Variants in RTKN observed in about 807,000 individuals in gnomAD.
RTKN encodes rhotekin.
A neutral mutation model predicts 63.5 loss-of-function variants in RTKN; 49 were observed. The ratio of observed to expected loss-of-function variants is 0.77; its 90% confidence interval spans 0.61 to 0.98. The LOEUF is 0.98. Among genes scored for constraint, RTKN ranks in the 50% least tolerant of loss-of-function variants. The probability of loss-of-function intolerance (pLI) is 0.00; values close to 1 mark genes in which losing one functional copy is unlikely to be tolerated. For synonymous variants in RTKN, 295 were observed against 290.4 expected (o/e 1.02, Z -0.16); for missense variants, 685 against 740.8 (o/e 0.92, Z 0.87).
intron 9 of RTKN, 170 bp from the exon 10 acceptor site, chr2:74,427,762 G>T: frequency 1.6e-6 from 1 of 642,782 alleles, no homozygotes; most frequent in Non-Finnish European, 2.7e-6. Context: ...GGCTGGGGAT[G>T]AGACAGCCAG....
chr2:74,430,999 C>G (rs956817681), intron 2 of RTKN: 5 of 330,456 alleles, frequency 1.5e-5, no homozygotes, highest in African/African-American at 8.3e-5. Flanking sequence ...GGACAGGTGC[C>G]CACAGAAAGA....
At position 74,432,407 on chromosome 2, in the gene RTKN, C is replaced by T. The variant is rs536836289; in HGVS notation, c.311+60G>A. On this transcript the variant is annotated intron_variant, in intron 2 of 11. Coordinates refer to ENST00000272430, the MANE Select transcript of RTKN (RefSeq NM_001015055.2). ...CCACATGCCACACACGCACATGCTG[C>T]ACCACCACCACCCAGAAGGCCTCCT... 4.6e-5 allele frequency: 68 copies of T among 1,484,776 alleles called. 1 individual carries two copies. Among genetic ancestry groups the T allele is most frequent in the Middle Eastern group, 3.4e-4 (2 of 5,834 alleles). 92.0% of individuals were successfully genotyped at this position (1,484,776 alleles called of 1,614,324 possible). A position where few individuals can be genotyped will look rare whatever the true frequency, so the allele number is the denominator to read the frequency against.
chr2:74,430,643 G>A lies in RTKN; in HGVS notation c.346C>T (p.Pro116Ser), dbSNP rs1310706130. The A allele has an allele frequency of 6.2e-7, 1 of 1,613,660 alleles. No individual in the cohort carries two copies. The highest frequency in any genetic ancestry group is 8.5e-7 in the Non-Finnish European group (1 of 1,179,976). ...GAGATGCAGACCCGGCCGCGGCAGGGGGAGCGCTCAGCGGGCGGGCCACTG... is the reference window on the plus strand; with the variant it reads ...GAGATGCAGACCCGGCCGCGGCAGGAGGAGCGCTCAGCGGGCGGGCCACTG... ...SDSGPPAERSPCRGRVCISDL... is the reference protein window; with the variant it reads ...SDSGPPAERSSCRGRVCISDL... Residue 116 changes from proline to serine, a missense_variant, in exon 3 of 12, where the codon CCC becomes TCC. Physicochemically the swap from Pro to Ser is moderately conservative, Grantham distance 74. Coordinates refer to ENST00000272430, the MANE Select transcript of RTKN (RefSeq NM_001015055.2).
intron 1 of RTKN, among the ~76,000 whole-genome samples, chr2:74,433,997 A>G (rs1670914471): frequency 6.6e-6 from 1 of 152,062 alleles, no homozygotes. Flanking sequence ...TGTGCATGAT[A>G]TATATATATG....
Position 74,426,326 on chromosome 2 carries a change from G to C in RTKN, c.1609C>G (p.Pro537Ala). ...DHSPRARSVA[P>A]LPPQRSPRTR... ...CGTGGGGATCGCTGAGGTGGGAGGG[G>C]GGCAACCGAGCGAGCCCTAGGGGAG... The change falls in exon 12 of 12, where the codon CCC (proline) becomes GCC (alanine). Residue 537 changes from proline to alanine, a missense_variant. By Grantham distance (27) the Pro-to-Ala change is conservative (BLOSUM62 -1). Coordinates refer to ENST00000272430, the MANE Select transcript of RTKN (RefSeq NM_001015055.2). 1.2e-6 allele frequency: 2 copies of C among 1,613,778 alleles called. No homozygotes were observed. Among genetic ancestry groups the C allele is most frequent in the Non-Finnish European group, 1.7e-6 (2 of 1,179,846 alleles).
chr2:74,437,210 T>C (rs1274471756), intron 1 of RTKN, among the ~76,000 whole-genome samples: 1 of 152,210 alleles, frequency 6.6e-6, no homozygotes, highest in East Asian at 1.9e-4. Context: ...ACCTCCTTCG[T>C]AGCATTGTTT....
Position 74,436,686 on chromosome 2 carries a change from C to G in RTKN, c.112-4020G>C, listed in dbSNP as rs191245097. On this transcript the variant is annotated intron_variant, in intron 1 of 11. Coordinates refer to ENST00000272430, the MANE Select transcript of RTKN (RefSeq NM_001015055.2). This position sits in a 1 kb window ranked among gnomAD's most constrained non-coding sequence, Gnocchi z 4.3. ...GGCCCAGCATGGATGAGTGGGACCACGAGTCCAGACACCTCCTCTATTTCC... is the reference window on the plus strand; with the variant it reads ...GGCCCAGCATGGATGAGTGGGACCAGGAGTCCAGACACCTCCTCTATTTCC... Among the ~76,000 whole-genome samples, 76 of 152,234 alleles carry G rather than the reference C, an allele frequency of 5.0e-4. No homozygotes were observed. The highest frequency in any genetic ancestry group is 1.7e-3 in the African/African-American group (70 of 41,530).
chr2:74,427,530 G>A lies in RTKN; in HGVS notation c.1149C>T (p.Ile383=), dbSNP rs1162184294. The change falls in exon 10 of 12, where the codon ATC becomes ATT. Residue 383 remains isoleucine, a synonymous_variant. Coordinates refer to ENST00000272430, the MANE Select transcript of RTKN (RefSeq NM_001015055.2). ...CCTCATCATCCCCATACTGGTTACT[G>A]ATGCTTAGGGTGAAGGGCCGTCCTA... ...QALGRPFTLS[I]SNQYGDDEVT... 1.2e-6 allele frequency: 2 copies of A among 1,614,114 alleles called. No individual in the cohort carries two copies. Among genetic ancestry groups the A allele is most frequent in the Non-Finnish European group, 1.7e-6 (2 of 1,180,032 alleles).
chr2:74,430,231 G>T, intron 5 of RTKN, 21 bp downstream of exon 5: 1 of 1,596,774 alleles, frequency 6.3e-7, no homozygotes, highest in East Asian at 2.2e-5. Context: ...GAAGGAGGTA[G>T]CCACAGTGTG....
chr2:74,427,562 G>A lies in RTKN; in HGVS notation c.1117C>T (p.Gln373Ter). Residue 373 changes from glutamine (Q) to a stop codon, truncating the protein, a stop_gained, in exon 10 of 12, where the codon CAG (glutamine) becomes TAG (stop). Transcript: ENST00000272430. LOFTEE classifies it high-confidence loss of function. Reference sequence around the variant, plus strand: ...AGGGTGAAGGGCCGTCCTAGAGCCTGGTCCAGCTCCCCTGCCCGGACTCGA... The same window carrying A: ...AGGGTGAAGGGCCGTCCTAGAGCCTAGTCCAGCTCCCCTGCCCGGACTCGA... ...ETRVRAGELD[Q>*]ALGRPFTLSI... 6.2e-7 allele frequency: 1 copy of A among 1,613,444 alleles called. No homozygotes were observed. Among genetic ancestry groups the A allele is most frequent in the South Asian group, 1.1e-5 (1 of 91,038 alleles).
Position 74,439,035 on chromosome 2 carries a change from G to GC in RTKN, c.111+2670dup, listed in dbSNP as rs1429995276. The stretch of plus-strand genomic sequence containing the variant: ...GCAGTGGCTCACGCCTGTAATCTCG[G>GC]CATTTTGGGAGGTCGAGGTAGGGAG... On this transcript the variant is annotated intron_variant, in intron 1 of 11. Transcript: ENST00000272430. Among the ~76,000 whole-genome samples, 4 of 152,134 alleles carry GC rather than the reference G, an allele frequency of 2.6e-5. No individual in the cohort carries two copies. In the East Asian group the frequency reaches 7.7e-4, roughly 29 times the overall value.
At chr2:74,440,477 C>G in intron 1 of RTKN, 1 of 986,954 alleles carries the variant, frequency 1.0e-6, no homozygotes, top group African/African-American at 1.7e-5. Context: ...CGATTCCGAG[C>G]CAGCTGCAGC....
chr2:74,430,399 G>A (rs371424578), intron 4 of RTKN, 30 bp from the exon 5 acceptor site: 163 of 1,612,754 alleles, frequency 1.0e-4, no homozygotes, highest in Non-Finnish European at 1.3e-4. Context: ...CAAAAAACAC[G>A]TCCCACGAGA....
rs781409402 is a variant in RTKN, at chr2:74,426,499, G to A, written c.1436C>T (p.Pro479Leu). Residue 479 changes from proline (P) to leucine (L), a missense_variant, in exon 12 of 12, where the codon CCC (proline) becomes CTC (leucine). Transcript: ENST00000272430. ...TQREGARLET[P>L]PPWLAMFTDQ... Reference sequence around the variant, plus strand: ...TGTAAACATTGCCAGCCAGGGTGGGGGTGTCTCCAGCCTTGCGCCCTCCCG... The same window carrying A: ...TGTAAACATTGCCAGCCAGGGTGGGAGTGTCTCCAGCCTTGCGCCCTCCCG... 5 of 1,591,922 alleles carry A rather than the reference G, an allele frequency of 3.1e-6. 1 individual carries two copies. The highest frequency in any genetic ancestry group is 8.6e-7 in the Non-Finnish European group (1 of 1,166,892).
chr2:74,430,098 A>T (rs1309172469), intron 5 of RTKN, 61 bp from the exon 6 acceptor site: 2 of 1,588,716 alleles, frequency 1.3e-6, no homozygotes, highest in East Asian at 2.2e-5. Flanking sequence ...AGGGTAGGGG[A>T]TGTGGGTGAG....
chr2:74,438,947 C>T (rs138835852), intron 1 of RTKN, among the ~76,000 whole-genome samples: 1,825 of 152,238 alleles, frequency 0.012, 44 homozygotes, highest in African/African-American at 0.042. Context: ...ATCCTATGGT[C>T]GAAAAGAGCT....
rs202213452 is a variant in RTKN, at chr2:74,430,452, G to A, written c.427+13C>T. On this transcript the variant is annotated intron_variant, in intron 4 of 11. Transcript: ENST00000272430. ...CATTCCCCTGAATTTGTCCCAGGGTGTGTGGAACTCACCACCTTTGTTCTT... is the reference window on the plus strand; with the variant it reads ...CATTCCCCTGAATTTGTCCCAGGGTATGTGGAACTCACCACCTTTGTTCTT... The A allele has an allele frequency of 8.9e-5, 144 of 1,614,058 alleles. 1 individual carries two copies. In the East Asian group the frequency reaches 1.1e-3, roughly 12 times the overall value.
rs1315163712 is a variant in RTKN, at chr2:74,426,140, G to A, written c.*103C>T. ...CCCCAGGTCCAGCAGAGGAACAGGA[G>A]GCCAGACTGGCCAACTTGCTATAGA... On this transcript the variant is annotated 3_prime_UTR_variant, in exon 12 of 12. Transcript: ENST00000272430. 3 of 1,029,034 alleles carry A rather than the reference G, an allele frequency of 2.9e-6. No individual in the cohort carries two copies. Among genetic ancestry groups the A allele is most frequent in the African/African-American group, 3.2e-5 (2 of 62,774 alleles). 63.7% of individuals were successfully genotyped at this position (1,029,034 alleles called of 1,614,324 possible). A position where few individuals can be genotyped will look rare whatever the true frequency, so the allele number is the denominator to read the frequency against.
At chr2:74,435,140 G>A (rs1670984613) in intron 1 of RTKN, among the ~76,000 whole-genome samples, 1 of 152,202 alleles carries the variant, frequency 6.6e-6, no homozygotes, top group Non-Finnish European at 1.5e-5. Flanking sequence ...TGGGAAGGTA[G>A]GTGGTCCAGG....
Sources: gnomAD v4.1 joint callset for allele counts (sites outside exome capture counted in the v4.1 genomes callset) on GRCh38, gnomAD v4.1.1 for gene constraint, Gnocchi (gnomAD v3.1) non-coding constraint, MANE v1.5 for transcripts, NCBI Gene and HGNC (gene_info 2026-07-23, HGNC 2026-07-21) for gene names.